The following AIF1L variants were observed in gnomAD, a reference collection of about 807,000 sequenced individuals.
The protein encoded by AIF1L is allograft inflammatory factor 1-like.
In AIF1L, 12 loss-of-function variants were observed where a neutral mutation model predicts 20.7. That is an observed-to-expected ratio of 0.58 (90% CI 0.37 to 0.94). The LOEUF (loss-of-function observed/expected upper bound fraction) is 0.94, where lower values mean the gene tolerates loss of function less well. AIF1L is among the 40% of genes least tolerant of loss of function. The pLI, the probability that AIF1L is intolerant of heterozygous loss-of-function variation, is 0.01. For missense variants in AIF1L, 173 were observed against 185.3 expected (o/e 0.93, Z 0.39); for synonymous variants, 76 against 65.1 (o/e 1.17, Z -0.81).
chr9:131,105,715 G>A (rs137899273), intron 2 of AIF1L, among the ~76,000 whole-genome samples: 24 of 152,280 alleles, frequency 1.6e-4, no homozygotes, highest in Admixed American at 2.6e-4. Flanking sequence ...TCTGTCATGC[G>A]TGGGCACACA....
At chr9:131,116,325 A>G (rs353519) in intron 4 of AIF1L, among the ~76,000 whole-genome samples, 147,720 of 152,236 alleles carry the variant, frequency 0.97, 71,847 homozygotes, top group South Asian at 1. Flanking sequence ...GTGCAGTGGC[A>G]CAATCTTGGC....
intron 2 of AIF1L, 80 bp downstream of exon 2, chr9:131,096,943 G>A: frequency 7.1e-7 from 1 of 1,413,254 alleles, no homozygotes. Flanking sequence ...GCGAGGCCGT[G>A]CCCGCCTCCA....
intron 2 of AIF1L, 25 bp from the exon 3 acceptor site, chr9:131,111,572 C>T: frequency 6.2e-7 from 1 of 1,608,728 alleles, no homozygotes; most frequent in Non-Finnish European, 8.5e-7. Context: ...GTCCCTTGCT[C>T]AGCACTGTCC....
intron 2 of AIF1L, among the ~76,000 whole-genome samples, chr9:131,103,421 G>A (rs1054492100): frequency 1.3e-5 from 2 of 152,182 alleles, no homozygotes; most frequent in Non-Finnish European, 2.9e-5. Flanking sequence ...CCTGCCTCTC[G>A]ATGTGGCTTG....
chr9:131,100,501 C>T (rs1228059777), intron 2 of AIF1L, among the ~76,000 whole-genome samples: 1 of 152,196 alleles, frequency 6.6e-6, no homozygotes, highest in Non-Finnish European at 1.5e-5. Context: ...TAAACAGCCT[C>T]GACTTGAACC....
At chr9:131,114,706 G>A in intron 4 of AIF1L, 88 bp downstream of exon 4, 9 of 1,531,440 alleles carry the variant, frequency 5.9e-6, no homozygotes, top group Non-Finnish European at 8.1e-6. Flanking sequence ...AGGGGCATGG[G>A]GCAGTCCGGA....
At chr9:131,106,052 C>A in intron 2 of AIF1L, 1 of 980,146 alleles carries the variant, frequency 1.0e-6, no homozygotes, top group Non-Finnish European at 1.5e-6. Context: ...CTTCTGGCCT[C>A]AAGTGATCCT....
chr9:131,096,536 C>T lies in AIF1L; in HGVS notation c.-94C>T, dbSNP rs1274160954. The T allele has an allele frequency of 2.8e-6, 4 of 1,419,094 alleles. No homozygotes were observed. The African/African-American group carries it at 6.0e-5, about 21-fold the overall frequency. 87.9% of individuals were successfully genotyped at this position (1,419,094 alleles called of 1,614,324 possible). A position where few individuals can be genotyped will look rare whatever the true frequency, so the allele number is the denominator to read the frequency against. On this transcript the variant is annotated 5_prime_UTR_variant, in exon 1 of 6. Transcript: ENST00000247291. ...CGCCCCTCGGTCCCGCGGCCACACG[C>T]AGCTAGCCGGAGCCCGGACCAGGCG...
At chr9:131,106,298 A>AC in intron 2 of AIF1L, 3 of 1,381,066 alleles carry the variant, frequency 2.2e-6, no homozygotes, top group Non-Finnish European at 3.0e-6. Flanking sequence ...CAACTCCTCC[A>AC]CTCATCCTGC....
At position 131,106,344 on chromosome 9, in the gene AIF1L, A is replaced by C. The variant is rs1830748337; in HGVS notation, c.94-5253A>C. On this transcript the variant is annotated intron_variant, in intron 2 of 5. Transcript: ENST00000247291. ...TGAGCGTCTGCTATGTGGAACCTAC[A>C]TTCTAGCCGGGGAGGCAGAGAGGGT... 34 of 1,065,394 alleles carry C rather than the reference A, an allele frequency of 3.2e-5. No individual in the cohort carries two copies. The South Asian group carries it at 4.3e-4, about 13-fold the overall frequency. The allele number at this position is 1,065,394 out of a possible 1,614,324, so 66.0% of individuals were successfully genotyped here. A position where few individuals can be genotyped will look rare whatever the true frequency, so the allele number is the denominator to read the frequency against.
chr9:131,100,847 CAG>C (rs948993708), intron 2 of AIF1L, among the ~76,000 whole-genome samples: 7 of 152,206 alleles, frequency 4.6e-5, no homozygotes, highest in African/African-American at 1.7e-4. Context: ...AGGAGGCGCT[CAG>C]GGGACAGTGA....
chr9:131,119,163 A>G (rs1831077428), intron 5 of AIF1L, among the ~76,000 whole-genome samples: 1 of 44,902 alleles, frequency 2.2e-5, no homozygotes, highest in South Asian at 8.0e-4. Context: ...GAAGAGCGTT[A>G]CAGCATTGCC....
At chr9:131,119,642 G>C (rs144354331) in intron 5 of AIF1L, among the ~76,000 whole-genome samples, 1,804 of 152,282 alleles carry the variant, frequency 0.012, 24 homozygotes, top group African/African-American at 0.041. Context: ...CAAGGAGACT[G>C]AGTACCTGGC....
chr9:131,100,411 C>G (rs1349353133), intron 2 of AIF1L, among the ~76,000 whole-genome samples: 1 of 152,220 alleles, frequency 6.6e-6, no homozygotes, highest in Non-Finnish European at 1.5e-5. Context: ...CTTGCGAATG[C>G]TCTCTCTAAC....
rs1228432424 is a variant in AIF1L, at chr9:131,123,142, T to C, written c.*2820T>C. ...CAGCCTGCAAATAAACCAGACAAAC[T>C]TACCAACGTCTTGATTGGTGTATTT... On this transcript the variant is annotated 3_prime_UTR_variant, in exon 6 of 6. Coordinates refer to ENST00000247291, the MANE Select transcript of AIF1L (RefSeq NM_031426.4). The C allele has an allele frequency of 6.6e-6, 1 of 152,282 alleles. No homozygotes were observed. The allele number at this position is 152,282 out of a possible 1,614,324, so 9.4% of individuals were successfully genotyped here.
At chr9:131,100,932 CTGTCACCCAGGGTG>C (rs1218344602) in intron 2 of AIF1L, among the ~76,000 whole-genome samples, 1 of 152,172 alleles carries the variant, frequency 6.6e-6, no homozygotes, top group African/African-American at 2.4e-5. Flanking sequence ...GCGTCTCGCT[CTGTCACCCAGGGTG>C]GAGTGCAGTG....
chr9:131,109,878 T>C (rs1247885160), intron 2 of AIF1L, among the ~76,000 whole-genome samples: 3 of 152,162 alleles, frequency 2.0e-5, no homozygotes, highest in African/African-American at 7.2e-5. Flanking sequence ...CTCTGGCTTA[T>C]GAGCCTCAGT....
At chr9:131,097,006 GC>G (rs1209732842) in intron 2 of AIF1L, 143 bp downstream of exon 2, 3 of 933,126 alleles carry the variant, frequency 3.2e-6, no homozygotes, top group Admixed American at 8.3e-5. Context: ...GCCTCCCTCC[GC>G]CCCCAGCCCC....
At chr9:131,104,927 G>T in intron 2 of AIF1L, among the ~76,000 whole-genome samples, 1 of 150,500 alleles carries the variant, frequency 6.6e-6, no homozygotes, top group Admixed American at 6.6e-5. Context: ...ATGCAGCCAT[G>T]AAGTGGATTC....
Sources: gnomAD v4.1 joint callset for allele counts (sites outside exome capture counted in the v4.1 genomes callset) on GRCh38, gnomAD v4.1.1 for gene constraint, MANE v1.5 for transcripts, NCBI Gene and HGNC (gene_info 2026-07-23, HGNC 2026-07-21) for gene names.